Variants in COL19A1 observed in about 807,000 individuals in gnomAD.
COL19A1 encodes the protein collagen type XIX alpha 1 chain, also known as collagen alpha-1(XIX) chain.
Under a neutral mutation model 190.2 loss-of-function variants are expected in COL19A1, and 159 were observed. The ratio of observed to expected loss-of-function variants is 0.84; its 90% CI spans 0.73 to 0.95. The LOEUF (loss-of-function observed/expected upper bound fraction) is 0.95. COL19A1 is among the 40% of genes least tolerant of loss of function. COL19A1 has a pLI of 0.00. For synonymous variants in COL19A1, 509 were observed against 458.9 expected, an observed-to-expected ratio of 1.11 and a Z score of -1.39; for missense variants, 1,418 against 1,431.9, an observed-to-expected ratio of 0.99 and a Z score of 0.16.
chr6:70,187,462 TAAA>T, intron 46 of COL19A1, among the ~76,000 whole-genome samples: 1 of 114,016 alleles, frequency 8.8e-6, no homozygotes, highest in Admixed American at 9.3e-5. Flanking sequence ...TTGAATGTCC[TAAA>T]GTTTTTTTAA....
At chr6:69,997,148 G>C (rs1233907725) in intron 11 of COL19A1, among the ~76,000 whole-genome samples, 1 of 151,868 alleles carries the variant, frequency 6.6e-6, no homozygotes, top group Non-Finnish European at 1.5e-5. Context: ...CCAGCAAAAA[G>C]AAAAAGCAAA....
chr6:70,105,283 G>A lies in COL19A1; in HGVS notation c.1278+3061G>A, dbSNP rs1014193528. ...AGCAATTCTCCAGCCTCAGCCTCCCGAGTAGCTGGGACTACAGCTGCGCAC... is the reference window on the plus strand; with the variant it reads ...AGCAATTCTCCAGCCTCAGCCTCCCAAGTAGCTGGGACTACAGCTGCGCAC... On this transcript the variant is annotated intron_variant, in intron 16 of 50. Transcript: ENST00000620364. Among the ~76,000 whole-genome samples, 10 of 151,986 alleles carry A rather than the reference G, an allele frequency of 6.6e-5. No homozygotes were observed. The East Asian group carries it at 1.5e-3, about 24-fold the overall frequency.
chr6:70,143,111 T>C (rs1416751418), intron 23 of COL19A1, among the ~76,000 whole-genome samples: 8 of 152,144 alleles, frequency 5.3e-5, no homozygotes, highest in Non-Finnish European at 1.2e-4. Flanking sequence ...GTACCAGCAG[T>C]AGAGGAGATT....
intron 15 of COL19A1, among the ~76,000 whole-genome samples, chr6:70,080,287 A>G (rs77889701): frequency 0.027 from 4,066 of 152,280 alleles, 185 homozygotes; most frequent in African/African-American, 0.089. Flanking sequence ...AACTTAGGTA[A>G]AAGTAGAGAG....
At chr6:70,100,800 T>A (rs1281480522) in intron 15 of COL19A1, among the ~76,000 whole-genome samples, 1 of 152,102 alleles carries the variant, frequency 6.6e-6, no homozygotes, top group Non-Finnish European at 1.5e-5. Flanking sequence ...TTTTAAAAAA[T>A]TTTAAATCTG....
chr6:69,988,431 G>A (rs1422048719), intron 11 of COL19A1, among the ~76,000 whole-genome samples: 1 of 152,090 alleles, frequency 6.6e-6, no homozygotes, highest in Non-Finnish European at 1.5e-5. Context: ...TTTAATAGTT[G>A]GCTTTTCCTT....
At chr6:70,111,624 G>A (rs1784291290) in intron 16 of COL19A1, among the ~76,000 whole-genome samples, 1 of 152,160 alleles carries the variant, frequency 6.6e-6, no homozygotes, top group Non-Finnish European at 1.5e-5. Flanking sequence ...TTCACTGGCT[G>A]ATATCATCAG....
At chr6:69,930,886 A>G (rs1428359009) in intron 6 of COL19A1, among the ~76,000 whole-genome samples, 1 of 152,206 alleles carries the variant, frequency 6.6e-6, no homozygotes, top group Non-Finnish European at 1.5e-5. Flanking sequence ...TAAAAAGGAT[A>G]TAGGTAAAAA....
chr6:70,005,711 A>G (rs1777578863), intron 11 of COL19A1, among the ~76,000 whole-genome samples: 1 of 152,116 alleles, frequency 6.6e-6, no homozygotes, highest in Admixed American at 6.5e-5. Context: ...GCTAGGGGGA[A>G]ACCCACTTGT....
intron 4 of COL19A1, among the ~76,000 whole-genome samples, chr6:69,901,422 C>G (rs2149974784): frequency 6.6e-6 from 1 of 152,266 alleles, no homozygotes; most frequent in East Asian, 1.9e-4. Context: ...ACTGAAATGG[C>G]TCCTTAAAAG....
At chr6:70,017,818 A>ATTAAAAGG (rs1778201349) in intron 11 of COL19A1, among the ~76,000 whole-genome samples, 1 of 152,150 alleles carries the variant, frequency 6.6e-6, no homozygotes, top group Non-Finnish European at 1.5e-5. Context: ...GAAGAAAAAG[A>ATTAAAAGG]CTAAAAGGTG....
intron 12 of COL19A1, among the ~76,000 whole-genome samples, chr6:70,027,946 C>T (rs546196566): frequency 1.7e-4 from 26 of 152,222 alleles, no homozygotes; most frequent in Middle Eastern, 6.8e-3. Context: ...AATTACTTAG[C>T]CTCTCTGTGC....
chr6:69,960,852 C>T (rs1010080587), intron 10 of COL19A1, among the ~76,000 whole-genome samples: 2 of 151,856 alleles, frequency 1.3e-5, no homozygotes, highest in Admixed American at 6.6e-5. Context: ...AGGATGGTCT[C>T]GATCTCCTGA....
chr6:70,101,564 A>G, intron 15 of COL19A1, among the ~76,000 whole-genome samples: 1 of 152,178 alleles, frequency 6.6e-6, no homozygotes, highest in East Asian at 1.9e-4. Flanking sequence ...GGAAGAAAAG[A>G]GCTAATGTGC....
At chr6:69,918,996 G>A (rs539853395) in intron 4 of COL19A1, among the ~76,000 whole-genome samples, 95 of 152,302 alleles carry the variant, frequency 6.2e-4, no homozygotes, top group African/African-American at 2.2e-3. Context: ...GAGCACAGGA[G>A]AGAGAAATAG....
At chr6:70,137,868 C>A in intron 19 of COL19A1, 121 bp downstream of exon 19, 1 of 867,024 alleles carries the variant, frequency 1.2e-6, no homozygotes, top group South Asian at 1.6e-5. Context: ...AACAACAGAT[C>A]AGATCTTCAA....
At chr6:69,888,257 A>T (rs1022471646) in intron 2 of COL19A1, among the ~76,000 whole-genome samples, 4 of 152,168 alleles carry the variant, frequency 2.6e-5, no homozygotes, top group African/African-American at 7.2e-5. Context: ...AGGCAGCTCA[A>T]AAATTCCAAG....
At chr6:70,194,282 C>T (rs1018993671) in intron 48 of COL19A1, among the ~76,000 whole-genome samples, 23 of 152,314 alleles carry the variant, frequency 1.5e-4, no homozygotes, top group Admixed American at 1.4e-3. Flanking sequence ...AAACTTTGGG[C>T]TCTCCTCTTG....
rs55871207 is a variant in COL19A1, at chr6:70,055,781, T to TAAAA, written c.1171-12621_1171-12618dup. Among the ~76,000 whole-genome samples, 144 of 117,408 alleles carry TAAAA rather than the reference T, an allele frequency of 1.2e-3. 1 individual carries two copies. Among genetic ancestry groups the TAAAA allele is most frequent in the African/African-American group, 4.6e-3 (135 of 29,050 alleles). The allele number at this position is 117,408 out of a possible 152,430, so 77.0% of individuals were successfully genotyped here. On this transcript the variant is annotated intron_variant, in intron 14 of 50. Transcript: ENST00000620364. ...TGGGAGACAGAGCAAAACTCTGTAT[T>TAAAA]AAAAAAAAAAAAAAAAAAAAAAAAT...
Sources: allele counts gnomAD v4.1 joint callset (sites outside exome capture counted in the v4.1 genomes callset), GRCh38; gene constraint gnomAD v4.1.1; transcripts MANE v1.5; gene names NCBI Gene and HGNC (gene_info 2026-07-23, HGNC 2026-07-21).